The following RANBP2 variants were observed in gnomAD, a reference collection of about 807,000 sequenced individuals.
The protein encoded by RANBP2 is E3 SUMO-protein ligase RanBP2.
RANBP2 carries 57 observed loss-of-function variants against 303.6 expected under a neutral mutation model. The observed-to-expected ratio is 0.19, with a 90% CI of 0.15 to 0.23. The LOEUF (loss-of-function observed/expected upper bound fraction) is 0.23. Among genes scored for constraint, RANBP2 ranks in the 10% least tolerant of loss-of-function variants. RANBP2 has a pLI of 1.00. For missense variants in RANBP2, 3,138 were observed against 3,780.8 expected (o/e 0.83, Z 4.46); for synonymous variants, 1,167 against 1,301.5 (o/e 0.90, Z 2.23).
chr2:108,809,433 C>T, the RANBP2 span, among the ~76,000 whole-genome samples: 2 of 144,752 alleles, frequency 1.4e-5, no homozygotes, highest in East Asian at 4.2e-4. Flanking sequence ...TGTTCCAGTC[C>T]ATGAACATGA....
At chr2:109,710,884 T>G in the RANBP2 span, among the ~76,000 whole-genome samples, 1 of 152,002 alleles carries the variant, frequency 6.6e-6, no homozygotes, top group Non-Finnish European at 1.5e-5. Flanking sequence ...GACAGCAAGA[T>G]GTGTTCATAA....
chr2:108,891,174 T>C, the RANBP2 span, among the ~76,000 whole-genome samples: 3 of 152,242 alleles, frequency 2.0e-5, no homozygotes, highest in Non-Finnish European at 4.4e-5. Context: ...GAAATTTATT[T>C]TTGATTAAGA....
chr2:109,301,500 C>T, the RANBP2 span, among the ~76,000 whole-genome samples: 6 of 152,006 alleles, frequency 3.9e-5, no homozygotes, highest in South Asian at 2.1e-4. Context: ...AGGGCAGTGC[C>T]GCAGAGTGAC....
chr2:108,786,959 G>A (rs576478641), downstream of RANBP2: 2 of 1,364,578 alleles, frequency 1.5e-6, no homozygotes, highest in Non-Finnish European at 1.9e-6. Context: ...CCTGCTGCTG[G>A]GGGGCGGCCC....
At chr2:108,945,873 G>C in the RANBP2 span, among the ~76,000 whole-genome samples, 1 of 152,146 alleles carries the variant, frequency 6.6e-6, no homozygotes, top group Non-Finnish European at 1.5e-5. Flanking sequence ...TCACAGAGAC[G>C]GAAAGTAGAA....
At chr2:108,725,472 G>T (rs539062515) in intron 1 of RANBP2, among the ~76,000 whole-genome samples, 7 of 152,290 alleles carry the variant, frequency 4.6e-5, no homozygotes, top group African/African-American at 1.7e-4. Context: ...TTTTGAAAAG[G>T]GGGAACTGGC....
At chr2:109,410,753 C>A in the RANBP2 span, among the ~76,000 whole-genome samples, 3 of 152,202 alleles carry the variant, frequency 2.0e-5, no homozygotes, top group Non-Finnish European at 4.4e-5. Flanking sequence ...GTGGTGCAAA[C>A]GTACTTTATT....
At chr2:109,251,354 G>C in the RANBP2 span, 1 of 577,868 alleles carries the variant, frequency 1.7e-6, no homozygotes, top group Non-Finnish European at 3.2e-6. Context: ...CACCCGGCCT[G>C]CCGCGGGAGC....
At chr2:109,099,297 C>T in the RANBP2 span, among the ~76,000 whole-genome samples, 1 of 152,158 alleles carries the variant, frequency 6.6e-6, no homozygotes. Flanking sequence ...AAATTAGGCT[C>T]TATATGTCAA....
intron 6 of RANBP2, among the ~76,000 whole-genome samples, chr2:108,737,047 G>GAT (rs1695644595): frequency 8.0e-6 from 1 of 125,548 alleles, no homozygotes; most frequent in African/African-American, 3.2e-5. Context: ...GGCTGTCCAT[G>GAT]TGGAAGTTAA....
chr2:108,873,419 TA>T, the RANBP2 span: 1 of 1,525,112 alleles, frequency 6.6e-7, no homozygotes. Context: ...CGCTACTCCC[TA>T]ATAGTAAAGC....
chr2:108,937,733 G>C, the RANBP2 span, among the ~76,000 whole-genome samples: 2 of 151,944 alleles, frequency 1.3e-5, no homozygotes, highest in South Asian at 4.1e-4. Context: ...GTGTGTATCT[G>C]TGTATGAGTG....
chr2:109,501,046 G>A, the RANBP2 span, among the ~76,000 whole-genome samples: 1 of 152,220 alleles, frequency 6.6e-6, no homozygotes, highest in African/African-American at 2.4e-5. Flanking sequence ...GTTGAGGAGC[G>A]TGCTTTTCAG....
chr2:109,249,027 G>T, the RANBP2 span, among the ~76,000 whole-genome samples: 2 of 152,082 alleles, frequency 1.3e-5, no homozygotes, highest in Non-Finnish European at 2.9e-5. Context: ...GACTATAGGT[G>T]CATGCCACCA....
intron 7 of RANBP2, among the ~76,000 whole-genome samples, 185 bp downstream of exon 7, chr2:108,740,866 G>A (rs920311315): frequency 6.6e-6 from 1 of 150,824 alleles, no homozygotes; most frequent in African/African-American, 2.5e-5. Context: ...GGTGAAACAG[G>A]GATGTTGAAT....
the RANBP2 span, chr2:109,398,873 G>A: frequency 2.5e-6 from 4 of 1,613,744 alleles, no homozygotes; most frequent in Non-Finnish European, 2.5e-6. Context: ...GTGTTGATCA[G>A]CTCCAGCGAT....
At chr2:108,947,143 CTG>C in the RANBP2 span, among the ~76,000 whole-genome samples, 1 of 152,212 alleles carries the variant, frequency 6.6e-6, no homozygotes, top group African/African-American at 2.4e-5. Flanking sequence ...ATGCAAAAGT[CTG>C]AAACCTGGCC....
chr2:109,447,640 C>A, the RANBP2 span, among the ~76,000 whole-genome samples: 1 of 152,126 alleles, frequency 6.6e-6, no homozygotes, highest in Non-Finnish European at 1.5e-5. Context: ...CAGAACAACC[C>A]AGGACACAAG....
chr2:108,883,038 C>G, the RANBP2 span: 1 of 152,192 alleles, frequency 6.6e-6, no homozygotes, highest in Admixed American at 6.5e-5. Flanking sequence ...AGATTAAACA[C>G]TGAATTCAGC....
Sources: allele counts gnomAD v4.1 joint callset (sites outside exome capture counted in the v4.1 genomes callset), GRCh38; gene constraint gnomAD v4.1.1; transcripts MANE v1.5; gene names NCBI Gene and HGNC (gene_info 2026-07-23, HGNC 2026-07-21).